The following DOCK1 variants were observed in gnomAD, a reference collection of about 807,000 sequenced individuals.
DOCK1 encodes the protein dedicator of cytokinesis protein 1.
A neutral mutation model predicts 262.7 loss-of-function variants in DOCK1; 138 were observed. That is an observed-to-expected ratio of 0.53 (90% CI 0.46 to 0.61). The LOEUF is 0.61. DOCK1 is among the 20% of genes least tolerant of loss of function. The pLI is 0.00. For missense variants in DOCK1, 1,908 were observed against 2,370.7 expected, an observed-to-expected ratio of 0.80 and a Z score of 4.05; for synonymous variants, 866 against 867.4, an observed-to-expected ratio of 1.00 and a Z score of 0.03.
In DOCK1 at chr10:127,176,270, G is replaced by T; in HGVS notation, c.2847+48506G>T. ...CCTTAAACCGCACCTGCAGGGCTTT[G>T]TTCCGTTTTTTAATCTGCCGGTTGG... is the stretch of plus-strand genomic sequence containing the variant. On this transcript the variant is annotated intron_variant, in intron 27 of 51. Transcript: ENST00000623213. The surrounding 1 kb of genome is among the most constrained non-coding windows in gnomAD (Gnocchi z 4.4). 1.2e-6 allele frequency: 2 copies of T among 1,614,108 alleles called. No homozygotes were observed. The highest frequency in any genetic ancestry group is 1.7e-6 in the Non-Finnish European group (2 of 1,180,040).
At chr10:127,007,448 G>A (rs1320496068) in intron 10 of DOCK1, 1 of 152,198 alleles carries the variant, frequency 6.6e-6, no homozygotes, top group Admixed American at 6.5e-5. Flanking sequence ...ACCCTTCTGG[G>A]GAAAGGTCTT....
chr10:127,129,866 CTG>C, intron 27 of DOCK1, among the ~76,000 whole-genome samples: 1 of 151,534 alleles, frequency 6.6e-6, no homozygotes, highest in African/African-American at 2.4e-5. Context: ...TCTCATGAGA[CTG>C]TTTTGTCTCT....
rs1309306412 is a variant in DOCK1, at chr10:127,451,565, A to G, written c.*138A>G. 2 of 1,502,828 alleles carry G rather than the reference A, an allele frequency of 1.3e-6. No homozygotes were observed. Among genetic ancestry groups the G allele is most frequent in the Non-Finnish European group, 1.8e-6 (2 of 1,126,258 alleles). The allele number at this position is 1,502,828 out of a possible 1,614,324, so 93.1% of individuals were successfully genotyped here. On this transcript the variant is annotated 3_prime_UTR_variant, in exon 52 of 52. Transcript: ENST00000623213. ...CGTGCGACTGCTTTTTCTTCAAAGG[A>G]GTTCAGTTCTCACCATGGAGTGAGT...
chr10:126,947,943 G>GTGA (rs2035685114), intron 1 of DOCK1, among the ~76,000 whole-genome samples: 2 of 149,146 alleles, frequency 1.3e-5, no homozygotes, highest in African/African-American at 2.5e-5. Flanking sequence ...ACTGTTGGTG[G>GTGA]TGGTGGTGGT....
chr10:127,231,018 C>T (rs1428158316), intron 27 of DOCK1, among the ~76,000 whole-genome samples: 3 of 152,082 alleles, frequency 2.0e-5, no homozygotes, highest in Non-Finnish European at 4.4e-5. Flanking sequence ...ACAGATCTCT[C>T]TCTTTCTTGG....
intron 27 of DOCK1, among the ~76,000 whole-genome samples, chr10:127,145,578 C>T (rs1285589942): frequency 4.6e-5 from 7 of 152,208 alleles, no homozygotes; most frequent in Admixed American, 3.9e-4. Flanking sequence ...TCGTGGCCAA[C>T]CCAACCCTGA....
At chr10:127,261,101 ACCTGCATGTGTGTGCATGTGTGTGTG>A (rs2060056046) in intron 29 of DOCK1, among the ~76,000 whole-genome samples, 1 of 65,942 alleles carries the variant, frequency 1.5e-5, no homozygotes, top group South Asian at 5.3e-4. Flanking sequence ...CTGTGTGTGT[ACCTGCATGTGTGTGCATGTGTGTGTG>A]CCTGCATGTG....
At chr10:126,993,433 A>G (rs1309755888) in intron 6 of DOCK1, among the ~76,000 whole-genome samples, 1 of 152,122 alleles carries the variant, frequency 6.6e-6, no homozygotes, top group Non-Finnish European at 1.5e-5. Context: ...CCCCACCCAC[A>G]CCAGCACAAA....
At chr10:127,035,813 C>T (rs2043556598) in intron 18 of DOCK1, among the ~76,000 whole-genome samples, 1 of 151,796 alleles carries the variant, frequency 6.6e-6, no homozygotes, top group Non-Finnish European at 1.5e-5. Flanking sequence ...AGGTTAAGAC[C>T]AGCCTGGGCA....
intron 28 of DOCK1, among the ~76,000 whole-genome samples, chr10:127,248,634 G>A (rs772840809): frequency 9.9e-5 from 15 of 152,196 alleles, no homozygotes; most frequent in Non-Finnish European, 2.1e-4. Context: ...GGAATTTATT[G>A]CTTATGAACT....
intron 1 of DOCK1, among the ~76,000 whole-genome samples, chr10:126,936,215 A>T: frequency 6.6e-6 from 1 of 152,328 alleles, no homozygotes; most frequent in South Asian, 2.1e-4. Context: ...TCTTGGCCTC[A>T]GCTCAGGTGA....
intron 35 of DOCK1, among the ~76,000 whole-genome samples, chr10:127,378,596 C>T (rs1049021326): frequency 1.3e-5 from 2 of 152,152 alleles, no homozygotes; most frequent in Non-Finnish European, 2.9e-5. Flanking sequence ...AAATAGAAGA[C>T]ATTTCGTATC....
chr10:127,291,231 G>A (rs2061336149), intron 29 of DOCK1, among the ~76,000 whole-genome samples: 1 of 152,212 alleles, frequency 6.6e-6, no homozygotes, highest in Non-Finnish European at 1.5e-5. Flanking sequence ...TGGATTTACT[G>A]GACAGACCAT....
intron 23 of DOCK1, among the ~76,000 whole-genome samples, chr10:127,101,650 C>T (rs544755170): frequency 1.3e-5 from 2 of 152,312 alleles, no homozygotes; most frequent in Admixed American, 6.5e-5. Context: ...GCCCTCGCCC[C>T]GCTTGGCGGT....
At chr10:127,291,311 C>T (rs1001905985) in intron 29 of DOCK1, among the ~76,000 whole-genome samples, 7 of 152,196 alleles carry the variant, frequency 4.6e-5, no homozygotes, top group African/African-American at 1.7e-4. Flanking sequence ...TCCTGCATGC[C>T]CTGTCCCCTT....
At chr10:126,943,737 G>A (rs993070432) in intron 1 of DOCK1, among the ~76,000 whole-genome samples, 17 of 152,048 alleles carry the variant, frequency 1.1e-4, no homozygotes, top group Admixed American at 7.9e-4. Flanking sequence ...TGGAAGAAGC[G>A]GCTTTTTAAA....
chr10:127,086,611 T>G (rs7098599), intron 23 of DOCK1, among the ~76,000 whole-genome samples: 1 of 151,976 alleles, frequency 6.6e-6, no homozygotes, highest in Non-Finnish European at 1.5e-5. Context: ...TATATAACAG[T>G]TAATTAAAAA....
chr10:127,096,858 G>A (rs2047938158), intron 23 of DOCK1, among the ~76,000 whole-genome samples: 1 of 152,106 alleles, frequency 6.6e-6, no homozygotes, highest in Non-Finnish European at 1.5e-5. Context: ...TGTAATCTCA[G>A]CACTTTGGGA....
At chr10:127,439,281 G>A in intron 49 of DOCK1, 56 bp downstream of exon 49, 1 of 1,544,850 alleles carries the variant, frequency 6.5e-7, no homozygotes, top group Non-Finnish European at 8.8e-7. Context: ...ACCTACCTTT[G>A]CCCCACCTGT....
Sources: gnomAD v4.1 joint callset for allele counts (sites outside exome capture counted in the v4.1 genomes callset) on GRCh38, gnomAD v4.1.1 for gene constraint, Gnocchi (gnomAD v3.1) non-coding constraint, MANE v1.5 for transcripts, NCBI Gene and HGNC (gene_info 2026-07-23, HGNC 2026-07-21) for gene names.